The following IL1RL2 variants were observed in gnomAD, a reference collection of about 807,000 sequenced individuals.
IL1RL2 encodes the protein interleukin-1 receptor-like 2.
Under a neutral mutation model 66.8 loss-of-function variants are expected in IL1RL2, and 68 were observed. That is an observed-to-expected ratio of 1.02 (90% CI 0.84 to 1.25). The LOEUF is 1.25. Among genes scored for constraint, IL1RL2 ranks in the 50% most tolerant of loss-of-function variants. The probability of loss-of-function intolerance (pLI) is 0.00; values close to 1 mark genes in which losing one functional copy is unlikely to be tolerated. For missense variants in IL1RL2, 729 were observed against 709.3 expected (o/e 1.03, Z -0.32); for synonymous variants, 305 against 264.6 (o/e 1.15, Z -1.48).
chr2:102,242,195 C>T (rs1477607981), downstream of IL1RL2, among the ~76,000 whole-genome samples: 2 of 152,124 alleles, frequency 1.3e-5, no homozygotes, highest in Admixed American at 6.5e-5. Flanking sequence ...CAGCTTTTTC[C>T]TCCCTGATTA....
intron 5 of IL1RL2, among the ~76,000 whole-genome samples, chr2:102,206,421 A>C (rs945090199): frequency 3.3e-5 from 5 of 152,160 alleles, no homozygotes; most frequent in African/African-American, 1.2e-4. Context: ...GAGTGTTTCG[A>C]TCAAAGCTGT....
At chr2:102,224,969 G>A (rs550666336) in intron 8 of IL1RL2, among the ~76,000 whole-genome samples, 3 of 152,294 alleles carry the variant, frequency 2.0e-5, no homozygotes, top group Middle Eastern at 3.4e-3. Context: ...ACTGGAGGAT[G>A]AGGAAAGGGC....
chr2:102,228,510 T>C (rs911872944), intron 9 of IL1RL2, among the ~76,000 whole-genome samples: 3 of 152,170 alleles, frequency 2.0e-5, no homozygotes, highest in African/African-American at 7.2e-5. Flanking sequence ...CACTGGAGCT[T>C]TACAAATTCT....
At chr2:102,234,861 T>C in intron 10 of IL1RL2, 36 bp from the exon 11 acceptor site, 1 of 1,576,056 alleles carries the variant, frequency 6.3e-7, no homozygotes, top group Non-Finnish European at 8.7e-7. Flanking sequence ...CTGTTTTAAT[T>C]GTGAGTTCTT....
chr2:102,216,051 T>G (rs1689586435), intron 6 of IL1RL2, among the ~76,000 whole-genome samples: 1 of 152,134 alleles, frequency 6.6e-6, no homozygotes, highest in Admixed American at 6.5e-5. Context: ...AAAATAAGAT[T>G]TGCTAAATGC....
At chr2:102,202,572 C>T (rs956044286) in intron 5 of IL1RL2, among the ~76,000 whole-genome samples, 7 of 151,664 alleles carry the variant, frequency 4.6e-5, no homozygotes, top group African/African-American at 1.7e-4. Flanking sequence ...TGGTTAATTC[C>T]TAGGTATTTA....
intron 5 of IL1RL2, among the ~76,000 whole-genome samples, 183 bp downstream of exon 5, chr2:102,201,898 A>C (rs951243175): frequency 6.6e-6 from 1 of 152,180 alleles, no homozygotes; most frequent in Non-Finnish European, 1.5e-5. Context: ...GCAGAAGGGC[A>C]TGAGCAGCTT....
chr2:102,195,607 TTCTTTC>T (rs1687645844), intron 4 of IL1RL2, among the ~76,000 whole-genome samples: 2 of 17,588 alleles, frequency 1.1e-4, no homozygotes, highest in African/African-American at 3.1e-4. Flanking sequence ...CTTTCTTTCT[TTCTTTC>T]TTTCTTTCTT....
chr2:102,205,250 T>C (rs551230673), intron 5 of IL1RL2, among the ~76,000 whole-genome samples: 3 of 152,304 alleles, frequency 2.0e-5, no homozygotes, highest in African/African-American at 7.2e-5. Context: ...TATTTTTGAT[T>C]GGTTCATCAT....
At chr2:102,235,848 A>G (rs1355691237) in intron 11 of IL1RL2, 1 of 985,294 alleles carries the variant, frequency 1.0e-6, no homozygotes, top group Non-Finnish European at 1.2e-6. Context: ...CTTTGCTTCC[A>G]GAAGCAAGTT....
Position 102,201,228 on chromosome 2 carries a change from C to A in IL1RL2, c.490-328C>A, listed in dbSNP as rs114816450. ...CCTTCCAACTCACGTAGGCCACTCT[C>A]CTCTCAAGTCCTACTAGACTTATTG... On this transcript the variant is annotated intron_variant, in intron 4 of 11. Coordinates refer to ENST00000264257, the MANE Select transcript of IL1RL2 (RefSeq NM_003854.4). Among the ~76,000 whole-genome samples the A allele has an allele frequency of 1.5e-3, 231 of 152,234 alleles. 1 individual carries two copies. The highest frequency in any genetic ancestry group is 5.1e-3 in the African/African-American group (213 of 41,548).
chr2:102,205,576 G>T (rs368948680), intron 5 of IL1RL2, among the ~76,000 whole-genome samples: 7 of 152,130 alleles, frequency 4.6e-5, no homozygotes, highest in South Asian at 2.1e-4. Flanking sequence ...GGCCTATAAG[G>T]TTTCCACTGA....
chr2:102,193,416 T>C (rs1687401692), intron 4 of IL1RL2, among the ~76,000 whole-genome samples: 1 of 152,228 alleles, frequency 6.6e-6, no homozygotes, highest in Admixed American at 6.5e-5. Context: ...TATTTTACTT[T>C]ATTTTATGAC....
intron 5 of IL1RL2, among the ~76,000 whole-genome samples, chr2:102,206,563 C>T (rs6713687): frequency 0.04 from 6,060 of 152,266 alleles, 313 homozygotes; most frequent in African/African-American, 0.11. Context: ...GTTCTCTTCC[C>T]TTACTTTCTC....
chr2:102,192,272 C>G (rs988208930), intron 4 of IL1RL2, 152 bp downstream of exon 4: 2 of 510,642 alleles, frequency 3.9e-6, no homozygotes, highest in African/African-American at 4.1e-5. Context: ...GATAACGTTA[C>G]CTTCCTAATT....
Position 102,235,151 on chromosome 2 carries a change from A to G in IL1RL2, c.1552A>G (p.Thr518Ala). 6.2e-7 allele frequency: 1 copy of G among 1,614,226 alleles called. No homozygotes were observed. Residue 518 changes from threonine (T) to alanine (A), a missense_variant, in exon 11 of 12, where the codon ACG becomes GCG. Transcript: ENST00000264257. ...HGAIRWHGDF[T>A]EQSQCMKTKF... ...TGCCATCCGGTGGCATGGGGACTTC[A>G]CGGAGCAGTCACAGTGTATGAAGAC...
At chr2:102,233,527 T>G (rs961379559) in intron 10 of IL1RL2, among the ~76,000 whole-genome samples, 8 of 152,130 alleles carry the variant, frequency 5.3e-5, no homozygotes, top group Admixed American at 4.6e-4. Context: ...ACAATGTAAA[T>G]CAGGTCGTGC....
At chr2:102,234,833 C>T (rs1257610978) in intron 10 of IL1RL2, 64 bp from the exon 11 acceptor site, 1 of 1,420,458 alleles carries the variant, frequency 7.0e-7, no homozygotes, top group Non-Finnish European at 9.7e-7. Context: ...AACATTCTCA[C>T]TAGCATTAAG....
At chr2:102,221,431 T>A (rs973665469) in intron 8 of IL1RL2, among the ~76,000 whole-genome samples, 1 of 152,188 alleles carries the variant, frequency 6.6e-6, no homozygotes, top group African/African-American at 2.4e-5. Context: ...GCAGATACAC[T>A]GGCTGATGTC....
Sources: allele counts gnomAD v4.1 joint callset (sites outside exome capture counted in the v4.1 genomes callset), GRCh38; gene constraint gnomAD v4.1.1; transcripts MANE v1.5; gene names NCBI Gene and HGNC (gene_info 2026-07-23, HGNC 2026-07-21).